Variants in CEP112 observed in about 807,000 individuals in gnomAD.
The protein encoded by CEP112 is centrosomal protein 112.
Under a neutral mutation model 153.0 loss-of-function variants are expected in CEP112, and 127 were observed. The observed-to-expected ratio is 0.83, with a 90% CI of 0.72 to 0.96. The LOEUF (loss-of-function observed/expected upper bound fraction) is 0.96, where lower values mean the gene tolerates loss of function less well. CEP112 is among the 40% of genes least tolerant of loss of function. CEP112 has a pLI of 0.00. For missense variants in CEP112, 1,089 were observed against 1,101.2 expected (o/e 0.99, Z 0.16); for synonymous variants, 358 against 374.4 (o/e 0.96, Z 0.51).
intron 21 of CEP112, among the ~76,000 whole-genome samples, chr17:65,805,105 C>G (rs1295539270): frequency 6.6e-6 from 1 of 151,950 alleles, no homozygotes; most frequent in Admixed American, 6.6e-5. Flanking sequence ...CACTTTGGCT[C>G]CCAAAGTGCT....
intron 6 of CEP112, among the ~76,000 whole-genome samples, chr17:66,124,408 G>GA (rs889806062): frequency 1.3e-5 from 2 of 150,744 alleles, no homozygotes; most frequent in African/African-American, 2.4e-5. Flanking sequence ...AAATACATGG[G>GA]AAAAAAAAAG....
chr17:66,173,261 G>A (rs367800680), intron 4 of CEP112, among the ~76,000 whole-genome samples: 4 of 152,152 alleles, frequency 2.6e-5, no homozygotes, highest in East Asian at 1.9e-4. Flanking sequence ...ATATGCTAAG[G>A]GGGGTAACCA....
chr17:65,986,008 G>C (rs780286684), intron 17 of CEP112, among the ~76,000 whole-genome samples: 2 of 152,026 alleles, frequency 1.3e-5, no homozygotes, highest in African/African-American at 2.4e-5. Flanking sequence ...TATCCATTAT[G>C]CAACTGTAAA....
chr17:65,981,825 T>C (rs967985501), intron 17 of CEP112, among the ~76,000 whole-genome samples: 32 of 152,198 alleles, frequency 2.1e-4, no homozygotes, highest in African/African-American at 7.5e-4. Context: ...TCCATCTACC[T>C]TGGCCTTCAA....
At chr17:66,127,921 C>G (rs558860538) in intron 6 of CEP112, among the ~76,000 whole-genome samples, 1 of 152,144 alleles carries the variant, frequency 6.6e-6, no homozygotes, top group African/African-American at 2.4e-5. Context: ...TTCAATCAGT[C>G]ACTTAGCACA....
At chr17:66,087,956 C>T (rs186938380) in intron 8 of CEP112, among the ~76,000 whole-genome samples, 147 of 152,120 alleles carry the variant, frequency 9.7e-4, no homozygotes, top group Admixed American at 1.6e-3. Flanking sequence ...CAGGACTGAC[C>T]CTGCAAATCC....
chr17:65,920,358 ACAAAATATAT>A (rs1464789073), intron 19 of CEP112, among the ~76,000 whole-genome samples: 4 of 56,230 alleles, frequency 7.1e-5, no homozygotes, highest in Non-Finnish European at 1.4e-4. Context: ...AAACAAACAA[ACAAAATATAT>A]ATATATATAT....
intron 8 of CEP112, among the ~76,000 whole-genome samples, chr17:66,095,939 A>G (rs2068326099): frequency 6.6e-6 from 1 of 152,050 alleles, no homozygotes; most frequent in Non-Finnish European, 1.5e-5. Flanking sequence ...AATTAGCTGG[A>G]CATGGTGGCA....
intron 22 of CEP112, among the ~76,000 whole-genome samples, chr17:65,749,235 G>A (rs985494553): frequency 6.6e-6 from 1 of 152,058 alleles, no homozygotes; most frequent in Non-Finnish European, 1.5e-5. Flanking sequence ...GGCCAGGTGC[G>A]GTGGCTCATG....
At chr17:65,721,360 G>C (rs555342210) in intron 23 of CEP112, among the ~76,000 whole-genome samples, 1 of 152,180 alleles carries the variant, frequency 6.6e-6, no homozygotes, top group African/African-American at 2.4e-5. Flanking sequence ...TAATCTAAGA[G>C]GATACTTTAA....
At chr17:65,639,203 A>G (rs1180832744) in intron 25 of CEP112, among the ~76,000 whole-genome samples, 2 of 152,362 alleles carry the variant, frequency 1.3e-5, no homozygotes, top group Admixed American at 1.3e-4. Context: ...TAAAAGGAAC[A>G]GCTAAAATGT....
At chr17:66,156,172 G>A (rs2146720197) in intron 4 of CEP112, among the ~76,000 whole-genome samples, 1 of 152,272 alleles carries the variant, frequency 6.6e-6, no homozygotes, top group Middle Eastern at 3.4e-3. Context: ...CTGGGACAAA[G>A]CTTCCAGAGG....
chr17:65,912,351 TG>T (rs1158766490), intron 19 of CEP112, among the ~76,000 whole-genome samples: 1 of 152,154 alleles, frequency 6.6e-6, no homozygotes, highest in Admixed American at 6.5e-5. Flanking sequence ...CCAACTTTCC[TG>T]TTGAAAGGAG....
At chr17:65,737,189 C>T (rs1213779046) in intron 23 of CEP112, among the ~76,000 whole-genome samples, 1 of 151,994 alleles carries the variant, frequency 6.6e-6, no homozygotes, top group African/African-American at 2.4e-5. Context: ...TAAAAGCTAG[C>T]AAAAATGCAC....
chr17:65,936,980 T>C (rs2061333521), intron 18 of CEP112, among the ~76,000 whole-genome samples: 1 of 150,446 alleles, frequency 6.6e-6, no homozygotes, highest in Admixed American at 6.6e-5. Context: ...CACGCCTGAC[T>C]GGTTTTCGTA....
At chr17:66,004,944 C>A (rs1349681751) in intron 17 of CEP112, among the ~76,000 whole-genome samples, 1 of 152,140 alleles carries the variant, frequency 6.6e-6, no homozygotes, top group African/African-American at 2.4e-5. Flanking sequence ...ATTGACCTTC[C>A]TCCAATTAAA....
At chr17:65,812,148 C>T (rs552870440) in intron 21 of CEP112, among the ~76,000 whole-genome samples, 79 of 152,062 alleles carry the variant, frequency 5.2e-4, no homozygotes, top group African/African-American at 1.9e-3. Context: ...GGACTACAGG[C>T]GCCCGCCACC....
intron 17 of CEP112, among the ~76,000 whole-genome samples, chr17:66,001,207 T>C (rs2064032025): frequency 6.6e-6 from 1 of 152,164 alleles, no homozygotes; most frequent in Non-Finnish European, 1.5e-5. Flanking sequence ...CAAACCAGTG[T>C]GGTCTGCGTG....
intron 21 of CEP112, among the ~76,000 whole-genome samples, chr17:65,819,733 A>G (rs549222206): frequency 9.9e-5 from 15 of 152,080 alleles, no homozygotes; most frequent in African/African-American, 3.4e-4. Flanking sequence ...ATCATAAACA[A>G]AGTGAGAAAA....
Sources: gnomAD v4.1 joint callset for allele counts (sites outside exome capture counted in the v4.1 genomes callset) on GRCh38, gnomAD v4.1.1 for gene constraint, MANE v1.5 for transcripts, NCBI Gene and HGNC (gene_info 2026-07-23, HGNC 2026-07-21) for gene names.